ANTXR1: variants seen among roughly 807,000 people sequenced by gnomAD.
ANTXR1 encodes the protein ANTXR cell adhesion molecule 1.
A neutral mutation model predicts 78.1 loss-of-function variants in ANTXR1; 19 were observed. That is an observed-to-expected ratio of 0.24 (90% CI 0.17 to 0.36). ANTXR1 has a LOEUF of 0.36. ANTXR1 is among the 10% of genes least tolerant of loss of function. The pLI, the probability that ANTXR1 is intolerant of heterozygous loss-of-function variation, is 1.00. For synonymous variants in ANTXR1, 273 were observed against 260.5 expected, an observed-to-expected ratio of 1.05 and a Z score of -0.46; for missense variants, 518 against 718.6, an observed-to-expected ratio of 0.72 and a Z score of 3.19.
intron 1 of ANTXR1, among the ~76,000 whole-genome samples, chr2:69,035,673 A>G (rs1425327457): frequency 3.3e-5 from 5 of 152,204 alleles, no homozygotes; most frequent in African/African-American, 1.2e-4. Context: ...ATAATTGTGT[A>G]AAGAATGATC....
chr2:69,157,295 G>A (rs922435215), intron 13 of ANTXR1, among the ~76,000 whole-genome samples: 5 of 151,808 alleles, frequency 3.3e-5, no homozygotes, highest in African/African-American at 4.8e-5. Context: ...TTGTTCTCCA[G>A]GGTTGCCTTC....
chr2:69,050,159 A>G (rs904880668), intron 3 of ANTXR1, among the ~76,000 whole-genome samples: 1 of 152,024 alleles, frequency 6.6e-6, no homozygotes, highest in Non-Finnish European at 1.5e-5. Context: ...TTAGCCAAGC[A>G]TGTTGTCACA....
chr2:69,076,419 T>A (rs1271321811), intron 7 of ANTXR1, among the ~76,000 whole-genome samples: 1 of 152,228 alleles, frequency 6.6e-6, no homozygotes, highest in Non-Finnish European at 1.5e-5. Context: ...GTGCATATAA[T>A]AAGCAAGTTG....
intron 3 of ANTXR1, among the ~76,000 whole-genome samples, chr2:69,068,623 T>C (rs751859726): frequency 1.3e-4 from 20 of 152,168 alleles, no homozygotes; most frequent in Non-Finnish European, 2.4e-4. Context: ...GCCATCTACA[T>C]AGGCACTGGA....
intron 3 of ANTXR1, among the ~76,000 whole-genome samples, chr2:69,050,925 T>C (rs1669912992): frequency 6.6e-6 from 1 of 152,174 alleles, no homozygotes; most frequent in African/African-American, 2.4e-5. Context: ...TTCATTATTT[T>C]ATCTTATTAC....
In ANTXR1 at chr2:69,077,163, C is replaced by T. The variant is rs530985909; in HGVS notation, c.562-245C>T. On this transcript the variant is annotated intron_variant, in intron 7 of 17. Coordinates refer to ENST00000303714, the MANE Select transcript of ANTXR1 (RefSeq NM_032208.3). ...AGCTGGGCGCTCTTACCTCTGCTCC[C>T]GAGGAGAAAAGTATTGAAACAAATG... 165 of 564,718 alleles carry T rather than the reference C, an allele frequency of 2.9e-4. 1 individual carries two copies. Among genetic ancestry groups the T allele is most frequent in the East Asian group, 1.7e-3 (57 of 33,116 alleles). 35.0% of individuals were successfully genotyped at this position (564,718 alleles called of 1,614,324 possible). A position where few individuals can be genotyped will look rare whatever the true frequency, so the allele number is the denominator to read the frequency against.
chr2:69,068,256 G>C (rs1670462206), intron 3 of ANTXR1, among the ~76,000 whole-genome samples: 1 of 152,236 alleles, frequency 6.6e-6, no homozygotes, highest in Admixed American at 6.5e-5. Context: ...GGAATTTAAA[G>C]TCTAGAACTG....
chr2:69,015,155 A>G (rs78185898), intron 1 of ANTXR1, among the ~76,000 whole-genome samples: 2,494 of 152,150 alleles, frequency 0.016, 69 homozygotes, highest in African/African-American at 0.057. Flanking sequence ...GATACTGTAG[A>G]GATAACCAGT....
At chr2:69,182,442 G>A (rs370873214) in intron 15 of ANTXR1, 51 bp from the exon 16 acceptor site, 60 of 1,601,766 alleles carry the variant, frequency 3.7e-5, no homozygotes, top group African/African-American at 8.1e-5. Flanking sequence ...TCTCATTCTC[G>A]AGGGGCAGCA....
chr2:69,165,004 G>A (rs749074861), intron 13 of ANTXR1, among the ~76,000 whole-genome samples: 17 of 152,188 alleles, frequency 1.1e-4, no homozygotes, highest in Non-Finnish European at 2.4e-4. Context: ...CAGGAAATAA[G>A]CTAATTCACA....
intron 1 of ANTXR1, among the ~76,000 whole-genome samples, chr2:69,039,769 G>A (rs959524678): frequency 1.3e-5 from 2 of 151,878 alleles, no homozygotes; most frequent in Admixed American, 6.6e-5. Context: ...TGGGCCCAGC[G>A]TTTGTTGTTG....
intron 1 of ANTXR1, among the ~76,000 whole-genome samples, chr2:69,031,204 C>T (rs1477674470): frequency 6.6e-6 from 1 of 152,122 alleles, no homozygotes; most frequent in Non-Finnish European, 1.5e-5. Flanking sequence ...ATATTGAGAC[C>T]AGGGTCAGCT....
intron 13 of ANTXR1, among the ~76,000 whole-genome samples, chr2:69,168,182 A>C (rs1040267584): frequency 3.3e-5 from 5 of 152,154 alleles, no homozygotes; most frequent in African/African-American, 9.7e-5. Context: ...TAGTATATGC[A>C]GGGGGGGTAT....
At chr2:69,166,191 A>G (rs1673823678) in intron 13 of ANTXR1, among the ~76,000 whole-genome samples, 1 of 152,232 alleles carries the variant, frequency 6.6e-6, no homozygotes, top group African/African-American at 2.4e-5. Flanking sequence ...TAACATTTCA[A>G]TTTGATCAGA....
chr2:69,015,435 A>G (rs1670996735), intron 1 of ANTXR1, among the ~76,000 whole-genome samples: 1 of 152,178 alleles, frequency 6.6e-6, no homozygotes, highest in Non-Finnish European at 1.5e-5. Flanking sequence ...CTAAAAAGAC[A>G]AGTACATGTA....
At chr2:69,115,490 G>T (rs1447438465) in intron 10 of ANTXR1, among the ~76,000 whole-genome samples, 1 of 152,156 alleles carries the variant, frequency 6.6e-6, no homozygotes, top group African/African-American at 2.4e-5. Flanking sequence ...AGCCTATGAA[G>T]TATTACTCCC....
intron 17 of ANTXR1, among the ~76,000 whole-genome samples, chr2:69,207,162 G>A (rs959484962): frequency 2.6e-5 from 4 of 152,282 alleles, no homozygotes; most frequent in African/African-American, 9.6e-5. Flanking sequence ...AAAAGTCCAA[G>A]ACTAGGTCGA....
chr2:69,013,234 C>G lies in ANTXR1; in HGVS notation c.-266C>G. 3.4e-6 allele frequency: 2 copies of G among 595,084 alleles called. No individual in the cohort carries two copies. Among genetic ancestry groups the G allele is most frequent in the Non-Finnish European group, 5.9e-6 (2 of 337,012 alleles). 36.9% of individuals were successfully genotyped at this position (595,084 alleles called of 1,614,324 possible). On this transcript the variant is annotated 5_prime_UTR_variant, in exon 1 of 18. Coordinates refer to ENST00000303714, the MANE Select transcript of ANTXR1 (RefSeq NM_032208.3). The surrounding 1 kb of genome is among the most constrained non-coding windows in gnomAD (Gnocchi z 5.0). ...GCGGCCTCGGGAGCTGCCCGGCGGC[C>G]CCGGACCGAGGCAGCCCTCCCCTTT...
rs1410281307 is a variant in ANTXR1 at position 69,247,489 on chromosome 2, C to T, written c.*2004C>T. ...CTCAGAGAGCTAAAACCAGAAATTT[C>T]CAGACTCATGAAAGCAACCCCCCAG... On this transcript the variant is annotated 3_prime_UTR_variant, in exon 18 of 18. Transcript: ENST00000303714. The T allele has an allele frequency of 6.5e-6, 1 of 153,004 alleles. No homozygotes were observed. The highest frequency in any genetic ancestry group is 1.5e-5 in the Non-Finnish European group (1 of 68,366). 9.5% of individuals were successfully genotyped at this position (153,004 alleles called of 1,614,324 possible). A position where few individuals can be genotyped will look rare whatever the true frequency, so the allele number is the denominator to read the frequency against.
Sources: allele counts gnomAD v4.1 joint callset (sites outside exome capture counted in the v4.1 genomes callset), GRCh38; gene constraint gnomAD v4.1.1; non-coding constraint Gnocchi (gnomAD v3.1); transcripts MANE v1.5; gene names NCBI Gene and HGNC (gene_info 2026-07-23, HGNC 2026-07-21).